The following CPOX variants were observed in gnomAD, a reference collection of about 807,000 sequenced individuals.
The protein encoded by CPOX is oxygen-dependent coproporphyrinogen-III oxidase, mitochondrial.
Under a neutral mutation model 48.9 loss-of-function variants are expected in CPOX, and 24 were observed. That is an observed-to-expected ratio of 0.49 (90% CI 0.36 to 0.69). The LOEUF is 0.69. CPOX is among the 30% of genes least tolerant of loss of function. The probability of loss-of-function intolerance (pLI) is 0.00; values close to 1 mark genes in which losing one functional copy is unlikely to be tolerated. For missense variants in CPOX, 549 were observed against 597.3 expected, an observed-to-expected ratio of 0.92 and a Z score of 0.84; for synonymous variants, 249 against 234.6, an observed-to-expected ratio of 1.06 and a Z score of -0.56.
chr3:98,574,022 T>C, the CPOX span, among the ~76,000 whole-genome samples: 1 of 152,176 alleles, frequency 6.6e-6, no homozygotes, highest in Non-Finnish European at 1.5e-5. Flanking sequence ...TGCACTTCCT[T>C]GGGTGGCTTA....
the CPOX span, among the ~76,000 whole-genome samples, chr3:98,572,046 G>A: frequency 6.6e-6 from 1 of 152,130 alleles, no homozygotes; most frequent in Non-Finnish European, 1.5e-5. Context: ...AGGGTTCAGA[G>A]TTCAAAATAT....
chr3:98,579,573 A>T lies in CPOX; in HGVS notation c.*1110T>A. 5 of 985,394 alleles carry T rather than the reference A, an allele frequency of 5.1e-6. No homozygotes were observed. Among genetic ancestry groups the T allele is most frequent in the Non-Finnish European group, 4.8e-6 (4 of 829,854 alleles). The allele number at this position is 985,394 out of a possible 1,614,324, so 61.0% of individuals were successfully genotyped here. A position where few individuals can be genotyped will look rare whatever the true frequency, so the allele number is the denominator to read the frequency against. ...ATTCAACGTGTTCCACGATAATGATATGTATGAGATGCTCTTCCTTATAAA... is the reference window on the plus strand; with the variant it reads ...ATTCAACGTGTTCCACGATAATGATTTGTATGAGATGCTCTTCCTTATAAA... On this transcript the variant is annotated 3_prime_UTR_variant, in exon 7 of 7. Coordinates refer to ENST00000647941, the MANE Select transcript of CPOX (RefSeq NM_000097.7).
the CPOX span, among the ~76,000 whole-genome samples, chr3:98,572,192 A>AT: frequency 6.6e-6 from 1 of 152,004 alleles, no homozygotes; most frequent in African/African-American, 2.4e-5. Flanking sequence ...TAGCTCCTGG[A>AT]TTTTTTTCTC....
At chr3:98,587,522 C>G (rs1273527611) in intron 4 of CPOX, among the ~76,000 whole-genome samples, 1 of 149,172 alleles carries the variant, frequency 6.7e-6, no homozygotes, top group Non-Finnish European at 1.5e-5. Flanking sequence ...AGTCCTGAGG[C>G]AGTGCACAAC....
intron 3 of CPOX, among the ~76,000 whole-genome samples, chr3:98,590,325 T>A (rs1345236450): frequency 6.6e-6 from 1 of 152,222 alleles, no homozygotes; most frequent in Non-Finnish European, 1.5e-5. Context: ...GTTTTTGTAT[T>A]TTTAGTAGAG....
Position 98,585,510 on chromosome 3 carries a change from AG to A in CPOX, c.1102del (p.Val369Ter). The A allele has an allele frequency of 6.2e-7, 1 of 1,614,106 alleles. No homozygotes were observed. The highest frequency in any genetic ancestry group is 8.5e-7 in the Non-Finnish European group (1 of 1,180,024). ...TGAGTCATCACAGTGCTTTTTCACAAGGGGAATGTAAGAAGGAACTACAGCC... is the reference window on the plus strand; with the variant it reads ...TGAGTCATCACAGTGCTTTTTCACAAGGGAATGTAAGAAGGAACTACAGCC... ...ARAVVPSYIPLVKKHCDDSFT... is the reference protein window; with the variant it reads ...ARAVVPSYIPXVKKHCDDSFT... On this transcript the variant is annotated frameshift_variant, in exon 5 of 7. Coordinates refer to ENST00000647941, the MANE Select transcript of CPOX (RefSeq NM_000097.7). LOFTEE classifies it high-confidence loss of function.
Position 98,585,438 on chromosome 3 carries a change from T to TA in CPOX, c.1172+2dup. Reference sequence around the variant, plus strand: ...TGAAAGAATTCGTTTTCCAGTCACTTACCGTCCTCTTCTGAGCTGCTGCCA... The same window carrying TA: ...TGAAAGAATTCGTTTTCCAGTCACTTAACCGTCCTCTTCTGAGCTGCTGCCA... On this transcript the variant is annotated splice_region_variant and intron_variant, in intron 5 of 6. Coordinates refer to ENST00000647941, the MANE Select transcript of CPOX (RefSeq NM_000097.7). 6.2e-7 allele frequency: 1 copy of TA among 1,613,382 alleles called. No individual in the cohort carries two copies.
At chr3:98,572,060 T>C in the CPOX span, among the ~76,000 whole-genome samples, 2 of 152,200 alleles carry the variant, frequency 1.3e-5, no homozygotes, top group Admixed American at 6.5e-5. Flanking sequence ...AAAATATATA[T>C]AAGTTAGAGA....
At chr3:98,577,274 C>CG (rs1367308122), downstream of CPOX, among the ~76,000 whole-genome samples, 4 of 152,152 alleles carry the variant, frequency 2.6e-5, no homozygotes, top group Admixed American at 2.6e-4. Flanking sequence ...GAATGTCAGA[C>CG]TGACTTTAGA....
At chr3:98,582,546 G>A (rs921733389) in intron 5 of CPOX, among the ~76,000 whole-genome samples, 2 of 150,380 alleles carry the variant, frequency 1.3e-5, no homozygotes, top group Non-Finnish European at 3.0e-5. Flanking sequence ...AGGCTGGAGT[G>A]CAGTGGCGCA....
chr3:98,582,472 T>G (rs1576298463), intron 5 of CPOX, among the ~76,000 whole-genome samples: 3 of 152,172 alleles, frequency 2.0e-5, no homozygotes, highest in South Asian at 4.1e-4. Flanking sequence ...ATCCTCTAGA[T>G]TCCCACAATA....
chr3:98,592,991 C>A lies in CPOX; in HGVS notation c.514G>T (p.Gly172Trp). The A allele has an allele frequency of 7.4e-6, 12 of 1,613,844 alleles. No individual in the cohort carries two copies. Among genetic ancestry groups the A allele is most frequent in the Non-Finnish European group, 1.0e-5 (12 of 1,179,922 alleles). The change falls in exon 1 of 7, where the codon GGG (glycine) becomes TGG (tryptophan). Residue 172 changes from glycine to tryptophan, a missense_variant. Physicochemically the swap from Gly to Trp is radical, Grantham distance 184. Around this residue, in one of 2 missense-constraint regions of CPOX, gnomAD observed 336 missense variants for 318.1 expected, o/e 1.06. Coordinates refer to ENST00000647941, the MANE Select transcript of CPOX (RefSeq NM_000097.7). ...QVCQALAQVD[G>W]GANFSVDRWE... ...CGGTCCACAGAAAAGTTGGCGCCCCCGTCTACCTGTGCCAGAGCCTGGCAC... is the reference window on the plus strand; with the variant it reads ...CGGTCCACAGAAAAGTTGGCGCCCCAGTCTACCTGTGCCAGAGCCTGGCAC...
the CPOX span, among the ~76,000 whole-genome samples, chr3:98,573,861 A>G: frequency 1.1e-4 from 17 of 152,314 alleles, no homozygotes; most frequent in African/African-American, 4.1e-4. Flanking sequence ...TTGAGCCTTT[A>G]TTACAATCAC....
At chr3:98,572,644 T>C in the CPOX span, among the ~76,000 whole-genome samples, 2 of 152,250 alleles carry the variant, frequency 1.3e-5, no homozygotes, top group African/African-American at 4.8e-5. Context: ...TACTATACTG[T>C]ATTTAACATC....
downstream of CPOX, among the ~76,000 whole-genome samples, chr3:98,579,170 A>C (rs971007937): frequency 1.3e-5 from 2 of 152,216 alleles, no homozygotes; most frequent in Admixed American, 6.5e-5. Flanking sequence ...CGATTTCCTT[A>C]ATAACATTTT....
chr3:98,570,576 A>G, the CPOX span, among the ~76,000 whole-genome samples: 1 of 152,206 alleles, frequency 6.6e-6, no homozygotes, highest in Middle Eastern at 3.2e-3. Context: ...TTTTTAAAGA[A>G]ACATGTATCA....
downstream of CPOX, chr3:98,578,368 T>C: frequency 3.9e-6 from 1 of 254,732 alleles, no homozygotes; most frequent in Non-Finnish European, 6.2e-6. Context: ...ATCATCACTA[T>C]GTAGTGATTT....
downstream of CPOX, among the ~76,000 whole-genome samples, chr3:98,577,614 TG>T (rs1357020600): frequency 1.3e-5 from 2 of 152,230 alleles, no homozygotes; most frequent in African/African-American, 4.8e-5. Flanking sequence ...CACTCGAATC[TG>T]GAACTGTCCT....
At chr3:98,592,070 A>G (rs1576305744) in intron 1 of CPOX, among the ~76,000 whole-genome samples, 1 of 152,218 alleles carries the variant, frequency 6.6e-6, no homozygotes, top group East Asian at 1.9e-4. Flanking sequence ...GAAAACAGCC[A>G]TAAAAAAGTA....
Sources: allele counts gnomAD v4.1 joint callset (sites outside exome capture counted in the v4.1 genomes callset), GRCh38; gene constraint gnomAD v4.1.1; regional missense constraint gnomAD v4.1.1; transcripts MANE v1.5; gene names NCBI Gene and HGNC (gene_info 2026-07-23, HGNC 2026-07-21).